Variants in ADCY1 observed in about 807,000 individuals in gnomAD.
The protein encoded by ADCY1 is adenylate cyclase 1.
A neutral mutation model predicts 105.4 loss-of-function variants in ADCY1; 28 were observed. The ratio of observed to expected loss-of-function variants is 0.27; its 90% CI spans 0.20 to 0.36. The LOEUF (loss-of-function observed/expected upper bound fraction) is 0.36. Ranked by LOEUF, ADCY1 falls within the 10% of genes least tolerant of loss-of-function variation. ADCY1 has a pLI of 1.00. For missense variants in ADCY1, 977 were observed against 1,434.2 expected (o/e 0.68, Z 5.15); for synonymous variants, 655 against 623.8 (o/e 1.05, Z -0.75).
intron 1 of ADCY1, among the ~76,000 whole-genome samples, chr7:45,581,866 T>A (rs543989873): frequency 1.3e-5 from 2 of 151,934 alleles, no homozygotes; most frequent in Admixed American, 1.3e-4. Flanking sequence ...TACATGCACA[T>A]ACCCACACAA....
At chr7:45,666,216 A>G (rs1045919792) in intron 8 of ADCY1, among the ~76,000 whole-genome samples, 3 of 152,052 alleles carry the variant, frequency 2.0e-5, no homozygotes. Context: ...TACATGTGCC[A>G]TGTTGGTGTG....
intron 1 of ADCY1, among the ~76,000 whole-genome samples, chr7:45,576,370 C>T (rs944461948): frequency 7.2e-5 from 11 of 152,094 alleles, no homozygotes; most frequent in Non-Finnish European, 1.5e-4. Flanking sequence ...AGATGCTCAA[C>T]CTGGCACAGG....
intron 19 of ADCY1, among the ~76,000 whole-genome samples, chr7:45,711,795 ATATACT>A (rs1307543416): frequency 3.2e-5 from 4 of 126,664 alleles, no homozygotes; most frequent in East Asian, 2.3e-4. Flanking sequence ...GTGTAAATAT[ATATACT>A]TATACTTTTT....
At chr7:45,638,044 G>A (rs1237964247) in intron 4 of ADCY1, among the ~76,000 whole-genome samples, 2 of 151,972 alleles carry the variant, frequency 1.3e-5, no homozygotes, top group Non-Finnish European at 2.9e-5. Context: ...TGATTTTGAT[G>A]TGAATTTGAG....
At chr7:45,661,974 G>A (rs1046296232) in intron 7 of ADCY1, 85 bp from the exon 8 acceptor site, 4 of 1,512,698 alleles carry the variant, frequency 2.6e-6, no homozygotes, top group Middle Eastern at 3.5e-4. Context: ...GGGTGGCTGT[G>A]TTTGTCAGGA....
At chr7:45,610,717 TGAGGAGGGGATA>T (rs1793516367) in intron 3 of ADCY1, among the ~76,000 whole-genome samples, 3 of 69,210 alleles carry the variant, frequency 4.3e-5, no homozygotes, top group Non-Finnish European at 5.7e-5. Flanking sequence ...ATGGTGGAGG[TGAGGAGGGGATA>T]GTGGAGGTGG....
rs1785173109 is a variant in ADCY1 at position 45,708,890 on chromosome 7, C to CGAAG, written c.2932+426_2932+427insGAAG. On this transcript the variant is annotated intron_variant, in intron 18 of 19. Transcript: ENST00000297323. The surrounding 1 kb of genome is among the most constrained non-coding windows in gnomAD (Gnocchi z 4.7). ...GCCCTGTGTCTTCTCCAGGCTCCTT[C>CGAAG]CCTCACCTGTGTCGTGAGGAGGAAA... 6.6e-6 allele frequency among the ~76,000 whole-genome samples: 1 copy of CGAAG among 152,178 alleles called. No homozygotes were observed. Among genetic ancestry groups the CGAAG allele is most frequent in the African/African-American group, 2.4e-5 (1 of 41,446 alleles).
At position 45,677,937 on chromosome 7, in the gene ADCY1, C is replaced by T; in HGVS notation, c.1674C>T (p.Tyr558=). ...NRSSFSTNVV[Y]TTPGTRVNRY... ...CATCTTTTTCTACCAACGTTGTCTA[C>T]ACCACCCCGGGCACTCGCGTCAACA... The change falls in exon 9 of 20, where the codon TAC becomes TAT. Residue 558 remains tyrosine, a synonymous_variant. Transcript: ENST00000297323. The T allele has an allele frequency of 1.2e-6, 2 of 1,614,234 alleles. No homozygotes were observed. The highest frequency in any genetic ancestry group is 1.7e-6 in the Non-Finnish European group (2 of 1,180,044).
At chr7:45,701,843 C>T (rs1168719368) in intron 14 of ADCY1, among the ~76,000 whole-genome samples, 2 of 152,226 alleles carry the variant, frequency 1.3e-5, no homozygotes, top group Admixed American at 6.5e-5. Context: ...TCCAGCCCAT[C>T]TGGGCAGCCA....
intron 4 of ADCY1, among the ~76,000 whole-genome samples, chr7:45,632,820 T>C (rs1243259266): frequency 6.6e-6 from 1 of 152,200 alleles, no homozygotes; most frequent in East Asian, 1.9e-4. Flanking sequence ...TACTCTCGCC[T>C]TGGCCTCGCA....
intron 8 of ADCY1, among the ~76,000 whole-genome samples, chr7:45,665,696 AT>A (rs1292411857): frequency 6.6e-6 from 1 of 152,176 alleles, no homozygotes; most frequent in Non-Finnish European, 1.5e-5. Context: ...GAAGTTTATC[AT>A]TTTGTCTTCC....
In ADCY1 at chr7:45,685,954, C is replaced by G. The variant is rs1445218618; in HGVS notation, c.2074-8C>G. 3 of 1,610,176 alleles carry G rather than the reference C, an allele frequency of 1.9e-6. No individual in the cohort carries two copies. Among genetic ancestry groups the G allele is most frequent in the Admixed American group, 3.3e-5 (2 of 59,872 alleles). On this transcript the variant is annotated splice_polypyrimidine_tract_variant and splice_region_variant and intron_variant, in intron 12 of 19. Transcript: ENST00000297323. ...TTTGCTAAGCCCCTGTGACCCCTCCCTTCCCAGGTGGGCTGCCTGCCTTGG... is the reference window on the plus strand; with the variant it reads ...TTTGCTAAGCCCCTGTGACCCCTCCGTTCCCAGGTGGGCTGCCTGCCTTGG...
chr7:45,622,355 T>C (rs1793924203), intron 3 of ADCY1, among the ~76,000 whole-genome samples: 1 of 151,996 alleles, frequency 6.6e-6, no homozygotes, highest in Non-Finnish European at 1.5e-5. Context: ...GCTTTCCCTA[T>C]GTGGTGTGAG....
At chr7:45,671,267 G>T (rs1784360402) in intron 8 of ADCY1, among the ~76,000 whole-genome samples, 1 of 147,772 alleles carries the variant, frequency 6.8e-6, no homozygotes, top group Admixed American at 6.7e-5. Context: ...TGTTAATAGT[G>T]CCTTCCTTTC....
At chr7:45,606,093 G>T (rs1793364960) in intron 2 of ADCY1, among the ~76,000 whole-genome samples, 1 of 152,194 alleles carries the variant, frequency 6.6e-6, no homozygotes, top group Non-Finnish European at 1.5e-5. Flanking sequence ...TGCTGGGCAG[G>T]AGTGAGAGTT....
At chr7:45,628,541 G>C (rs921864482) in intron 4 of ADCY1, among the ~76,000 whole-genome samples, 1 of 152,158 alleles carries the variant, frequency 6.6e-6, no homozygotes, top group African/African-American at 2.4e-5. Flanking sequence ...GGGGAACATG[G>C]GGAGTATATG....
At chr7:45,668,036 G>A (rs1022244352) in intron 8 of ADCY1, among the ~76,000 whole-genome samples, 20 of 152,306 alleles carry the variant, frequency 1.3e-4, no homozygotes, top group East Asian at 3.9e-4. Context: ...GGGCTGAGAT[G>A]ATGGGGTTTT....
chr7:45,693,117 G>T (rs957789785), intron 14 of ADCY1, among the ~76,000 whole-genome samples: 2 of 152,144 alleles, frequency 1.3e-5, no homozygotes, highest in Admixed American at 1.3e-4. Context: ...CGATAGAATC[G>T]CTGGACAGAA....
chr7:45,607,429 A>G (rs1793406333), intron 2 of ADCY1, among the ~76,000 whole-genome samples: 1 of 152,186 alleles, frequency 6.6e-6, no homozygotes, highest in Non-Finnish European at 1.5e-5. Flanking sequence ...AAGAGGGACA[A>G]GCTGTTTTGT....
Sources: gnomAD v4.1 joint callset for allele counts (sites outside exome capture counted in the v4.1 genomes callset) on GRCh38, gnomAD v4.1.1 for gene constraint, Gnocchi (gnomAD v3.1) non-coding constraint, MANE v1.5 for transcripts, NCBI Gene and HGNC (gene_info 2026-07-23, HGNC 2026-07-21) for gene names.